Variants in CLVS1 observed in about 807,000 individuals in gnomAD.
The protein encoded by CLVS1 is clavesin-1.
Under a neutral mutation model 33.1 loss-of-function variants are expected in CLVS1, and 10 were observed. The ratio of observed to expected loss-of-function variants is 0.30; its 90% CI spans 0.19 to 0.51. CLVS1 has a LOEUF of 0.51. Among genes scored for constraint, CLVS1 ranks in the 20% least tolerant of loss-of-function variants. CLVS1 has a pLI of 0.97. For synonymous variants in CLVS1, 163 were observed against 166.1 expected, an observed-to-expected ratio of 0.98 and a Z score of 0.14; for missense variants, 343 against 433.4, an observed-to-expected ratio of 0.79 and a Z score of 1.85.
intron 2 of CLVS1, among the ~76,000 whole-genome samples, chr8:61,249,741 C>G (rs1361882116): frequency 6.6e-6 from 1 of 152,044 alleles, no homozygotes; most frequent in African/African-American, 2.4e-5. Flanking sequence ...CTGTTCATAT[C>G]CTTTGCCCAG....
intron 2 of CLVS1, among the ~76,000 whole-genome samples, chr8:61,214,357 A>G (rs1808040498): frequency 1.3e-5 from 2 of 152,160 alleles, no homozygotes; most frequent in Non-Finnish European, 2.9e-5. Context: ...GCATCATGGA[A>G]CCTACCAACA....
At chr8:61,032,990 AAG>A in the CLVS1 span, among the ~76,000 whole-genome samples, 1,780 of 66,806 alleles carry the variant, frequency 0.027, 28 homozygotes, top group African/African-American at 0.054. Flanking sequence ...GGAAGGAAGG[AAG>A]GAAAGAAAGA....
At chr8:61,310,649 C>G (rs1260170885) in intron 2 of CLVS1, among the ~76,000 whole-genome samples, 2 of 152,170 alleles carry the variant, frequency 1.3e-5, no homozygotes, top group Non-Finnish European at 2.9e-5. Flanking sequence ...CCTAGCGAAC[C>G]AAATGTTCAA....
At chr8:61,403,940 C>T (rs1413190838) in intron 3 of CLVS1, among the ~76,000 whole-genome samples, 1 of 151,760 alleles carries the variant, frequency 6.6e-6, no homozygotes. Flanking sequence ...ATGAAGTGGG[C>T]ATTGAACAGT....
intron 5 of CLVS1, among the ~76,000 whole-genome samples, chr8:61,494,137 A>G (rs892874658): frequency 2.6e-5 from 4 of 152,168 alleles, no homozygotes; most frequent in Admixed American, 2.6e-4. Context: ...CATGGCCAAC[A>G]TTTTCCATTT....
intron 3 of CLVS1, among the ~76,000 whole-genome samples, chr8:61,383,411 T>C (rs1209854955): frequency 6.6e-6 from 1 of 152,216 alleles, no homozygotes; most frequent in African/African-American, 2.4e-5. Flanking sequence ...TTTTACAGTT[T>C]TCATGTATTA....
intron 2 of CLVS1, among the ~76,000 whole-genome samples, chr8:61,245,071 A>G (rs757492191): frequency 5.3e-5 from 8 of 152,152 alleles, no homozygotes; most frequent in African/African-American, 9.7e-5. Context: ...ACTTTTAACA[A>G]TATTTATCCT....
chr8:61,119,548 G>A (rs1414388158), intron 1 of CLVS1, among the ~76,000 whole-genome samples: 9 of 149,594 alleles, frequency 6.0e-5, no homozygotes, highest in Non-Finnish European at 1.2e-4. Context: ...TCCTTCAGGA[G>A]CTCTTTTAGG....
At chr8:61,210,878 T>C (rs1807956548) in intron 2 of CLVS1, among the ~76,000 whole-genome samples, 1 of 150,850 alleles carries the variant, frequency 6.6e-6, no homozygotes, top group Admixed American at 6.6e-5. Flanking sequence ...GCTTGTAGAG[T>C]AGGAGAATCA....
chr8:61,090,911 G>A (rs887946620), intron 1 of CLVS1: 2 of 518,856 alleles, frequency 3.9e-6, no homozygotes, highest in South Asian at 1.4e-5. Flanking sequence ...AAGATGTTGG[G>A]GGACCTTGAA....
chr8:61,058,731 G>C (rs756033196), intron 1 of CLVS1, among the ~76,000 whole-genome samples: 1 of 151,956 alleles, frequency 6.6e-6, no homozygotes, highest in Admixed American at 6.6e-5. Context: ...TCCCTTCTTT[G>C]ATCTGTTTTC....
chr8:61,069,196 G>C (rs1804742805), intron 1 of CLVS1, among the ~76,000 whole-genome samples: 1 of 152,072 alleles, frequency 6.6e-6, no homozygotes, highest in South Asian at 2.1e-4. Flanking sequence ...TCGAACTCCT[G>C]ACCTCAAGTG....
At chr8:61,087,588 G>A (rs1483866708) in intron 1 of CLVS1, among the ~76,000 whole-genome samples, 1 of 152,152 alleles carries the variant, frequency 6.6e-6, no homozygotes, top group Non-Finnish European at 1.5e-5. Flanking sequence ...CTGGTGGGAG[G>A]AAGTGAGGGA....
intron 5 of CLVS1, among the ~76,000 whole-genome samples, chr8:61,471,033 C>G (rs1817718591): frequency 6.6e-6 from 1 of 152,174 alleles, no homozygotes; most frequent in South Asian, 2.1e-4. Context: ...CGTACACAGC[C>G]CAGCATCCTG....
intron 3 of CLVS1, among the ~76,000 whole-genome samples, chr8:61,423,543 G>A (rs1815764475): frequency 6.6e-6 from 1 of 152,156 alleles, no homozygotes; most frequent in Admixed American, 6.5e-5. Flanking sequence ...CCTTGTCAGT[G>A]TTGCATAATT....
chr8:61,323,679 C>T (rs898519208), intron 2 of CLVS1, among the ~76,000 whole-genome samples: 12 of 151,576 alleles, frequency 7.9e-5, no homozygotes, highest in Non-Finnish European at 1.6e-4. Flanking sequence ...ATTTTAAGTT[C>T]AGGGTTACAA....
the CLVS1 span, among the ~76,000 whole-genome samples, chr8:60,993,434 A>T: frequency 2.6e-5 from 4 of 152,186 alleles, no homozygotes; most frequent in Non-Finnish European, 4.4e-5. Flanking sequence ...CTGTGTTCTC[A>T]TCTGTGCTTC....
chr8:61,185,916 G>A (rs770822296), intron 2 of CLVS1, among the ~76,000 whole-genome samples: 23 of 152,182 alleles, frequency 1.5e-4, no homozygotes, highest in Non-Finnish European at 3.2e-4. Flanking sequence ...TTAGCCGTTG[G>A]TATTACTGCC....
At chr8:61,446,001 G>A (rs1182818401) in intron 3 of CLVS1, among the ~76,000 whole-genome samples, 1 of 152,114 alleles carries the variant, frequency 6.6e-6, no homozygotes, top group African/African-American at 2.4e-5. Context: ...GTCTATAGTA[G>A]TATGCCCTAT....
Sources: gnomAD v4.1 joint callset for allele counts (sites outside exome capture counted in the v4.1 genomes callset) on GRCh38, gnomAD v4.1.1 for gene constraint, MANE v1.5 for transcripts, NCBI Gene and HGNC (gene_info 2026-07-23, HGNC 2026-07-21) for gene names.